GRM8: variants seen among roughly 807,000 people sequenced by gnomAD.
GRM8 encodes the protein metabotropic glutamate receptor 8.
A neutral mutation model predicts 87.2 loss-of-function variants in GRM8; 47 were observed. The ratio of observed to expected loss-of-function variants is 0.54; its 90% CI spans 0.43 to 0.69. The LOEUF (loss-of-function observed/expected upper bound fraction) is 0.69. Ranked by LOEUF, GRM8 falls within the 30% of genes least tolerant of loss-of-function variation. The pLI is 0.00. For missense variants in GRM8, 1,019 were observed against 1,139.2 expected, an observed-to-expected ratio of 0.89 and a Z score of 1.52; for synonymous variants, 396 against 404.5, an observed-to-expected ratio of 0.98 and a Z score of 0.25.
At chr7:127,001,316 A>C (rs1234773520) in intron 3 of GRM8, among the ~76,000 whole-genome samples, 1 of 151,770 alleles carries the variant, frequency 6.6e-6, no homozygotes, top group African/African-American at 2.4e-5. Context: ...TTGCAAAAAA[A>C]CCCAAAAGTG....
chr7:126,509,793 T>G (rs1280288671), intron 9 of GRM8, among the ~76,000 whole-genome samples: 1 of 151,996 alleles, frequency 6.6e-6, no homozygotes, highest in Non-Finnish European at 1.5e-5. Flanking sequence ...ATTGGAGAAA[T>G]GGGCAGGAAA....
intron 2 of GRM8, among the ~76,000 whole-genome samples, chr7:127,109,227 A>C (rs942241183): frequency 1.3e-5 from 2 of 152,314 alleles, no homozygotes; most frequent in Middle Eastern, 3.4e-3. Context: ...GTGAATGGTG[A>C]AGAGAAGCGG....
At chr7:127,206,344 G>A (rs969372349) in intron 2 of GRM8, among the ~76,000 whole-genome samples, 5 of 152,014 alleles carry the variant, frequency 3.3e-5, no homozygotes, top group African/African-American at 9.7e-5. Context: ...ATTTAACCTG[G>A]GTTTTCCTAA....
Position 126,484,539 on chromosome 7 carries a change from A to G in GRM8, c.2431-38167T>C, listed in dbSNP as rs1350334966. 2.0e-5 allele frequency among the ~76,000 whole-genome samples: 3 copies of G among 152,078 alleles called. No individual in the cohort carries two copies. The East Asian group carries it at 5.8e-4, about 29-fold the overall frequency. ...TTGCAGGGCAATGAGCACATTCATA[A>G]GAAAGTACCCTCATTTTTAAATGTA... On this transcript the variant is annotated intron_variant, in intron 9 of 10. Transcript: ENST00000339582.
At chr7:126,554,029 T>C (rs546609172) in intron 8 of GRM8, among the ~76,000 whole-genome samples, 1 of 152,294 alleles carries the variant, frequency 6.6e-6, no homozygotes, top group African/African-American at 2.4e-5. Flanking sequence ...TGCAAGTACA[T>C]ATTTAATAAT....
At chr7:126,923,726 C>G (rs1804785931) in intron 3 of GRM8, among the ~76,000 whole-genome samples, 1 of 152,048 alleles carries the variant, frequency 6.6e-6, no homozygotes, top group African/African-American at 2.4e-5. Flanking sequence ...GAGTTTATAA[C>G]TTTGGTAGGT....
At chr7:127,040,409 A>G (rs1818314129) in intron 3 of GRM8, among the ~76,000 whole-genome samples, 1 of 152,196 alleles carries the variant, frequency 6.6e-6, no homozygotes, top group Non-Finnish European at 1.5e-5. Flanking sequence ...ACAAATGCCC[A>G]TCCAAATTTC....
chr7:126,626,243 G>C (rs1416464825), intron 7 of GRM8, among the ~76,000 whole-genome samples: 2 of 152,110 alleles, frequency 1.3e-5, no homozygotes, highest in East Asian at 3.9e-4. Context: ...ATTTACAAGA[G>C]TCACATTTAT....
intron 6 of GRM8, among the ~76,000 whole-genome samples, chr7:126,788,096 G>A (rs1470108821): frequency 2.6e-5 from 4 of 151,900 alleles, no homozygotes; most frequent in Admixed American, 2.6e-4. Context: ...TGAGTTACCT[G>A]AAAAATGTAG....
intron 2 of GRM8, among the ~76,000 whole-genome samples, chr7:127,162,258 G>A (rs1793163013): frequency 6.6e-6 from 1 of 152,170 alleles, no homozygotes; most frequent in Non-Finnish European, 1.5e-5. Context: ...AGACTAAGAG[G>A]CTCCAAGCCT....
intron 9 of GRM8, among the ~76,000 whole-genome samples, chr7:126,457,815 C>T (rs1481842513): frequency 2.0e-5 from 3 of 149,080 alleles, no homozygotes; most frequent in Non-Finnish European, 3.0e-5. Flanking sequence ...TAAAATAGAA[C>T]ACAAATGTAA....
chr7:127,193,609 G>A (rs1372933592), intron 2 of GRM8, among the ~76,000 whole-genome samples: 2 of 152,208 alleles, frequency 1.3e-5, no homozygotes, highest in Non-Finnish European at 1.5e-5. Flanking sequence ...CTTAAAGAGT[G>A]AGGTAGTAGC....
At chr7:126,513,150 T>C (rs1053418865) in intron 9 of GRM8, among the ~76,000 whole-genome samples, 2 of 152,136 alleles carry the variant, frequency 1.3e-5, no homozygotes, top group African/African-American at 4.8e-5. Flanking sequence ...TGGTCTAATA[T>C]GTTGTACCAA....
At chr7:126,769,825 C>T (rs751621712) in intron 7 of GRM8, 40 bp downstream of exon 7, 13 of 1,331,714 alleles carry the variant, frequency 9.8e-6, no homozygotes, top group African/African-American at 2.9e-5. Flanking sequence ...CACACCCTGT[C>T]GCTTTTAATG....
intron 1 of GRM8, among the ~76,000 whole-genome samples, chr7:127,245,072 T>C (rs1298780152): frequency 1.3e-5 from 2 of 152,188 alleles, no homozygotes; most frequent in African/African-American, 2.4e-5. Flanking sequence ...CCTCAGAAAA[T>C]CTGTGATTCA....
In GRM8 at chr7:127,149,946, C is replaced by A. The variant is rs532792205; in HGVS notation, c.511-43234G>T. 1.6e-4 allele frequency among the ~76,000 whole-genome samples: 24 copies of A among 151,966 alleles called. No individual in the cohort carries two copies. The Middle Eastern group carries it at 0.017, about 108-fold the overall frequency. Reference sequence around the variant, plus strand: ...TAGCAGGTATGTAGAATGAAGAAGTCTAGAGATCTAATGTACAACATGAAG... The same window carrying A: ...TAGCAGGTATGTAGAATGAAGAAGTATAGAGATCTAATGTACAACATGAAG... On this transcript the variant is annotated intron_variant, in intron 2 of 10. Coordinates refer to ENST00000339582, the MANE Select transcript of GRM8 (RefSeq NM_000845.3).
At chr7:127,231,704 G>C (rs1769271701) in intron 2 of GRM8, among the ~76,000 whole-genome samples, 1 of 152,092 alleles carries the variant, frequency 6.6e-6, no homozygotes, top group African/African-American at 2.4e-5. Flanking sequence ...GTGCAGGCCT[G>C]TGTTTCTGTC....
At chr7:126,559,203 A>AGTG (rs1793451954) in intron 8 of GRM8, among the ~76,000 whole-genome samples, 1 of 134,402 alleles carries the variant, frequency 7.4e-6, no homozygotes, top group African/African-American at 2.9e-5. Flanking sequence ...CCCAGGCTGG[A>AGTG]GTGCAGTGGT....
chr7:126,846,186 A>C (rs898493155), intron 6 of GRM8, among the ~76,000 whole-genome samples: 21 of 152,212 alleles, frequency 1.4e-4, no homozygotes, highest in African/African-American at 5.1e-4. Flanking sequence ...GGAATATGAC[A>C]TTCTAGATTT....
Sources: allele counts gnomAD v4.1 joint callset (sites outside exome capture counted in the v4.1 genomes callset), GRCh38; gene constraint gnomAD v4.1.1; transcripts MANE v1.5; gene names NCBI Gene and HGNC (gene_info 2026-07-23, HGNC 2026-07-21).